Variants in KCNMA1 observed in about 807,000 individuals in gnomAD.
KCNMA1 encodes the protein potassium calcium-activated channel subfamily M alpha 1, also known as Calcium-activated potassium channel subunit alpha-1.
In KCNMA1, 29 loss-of-function variants were observed where a neutral mutation model predicts 140.0. That is an observed-to-expected ratio of 0.21 (90% confidence interval 0.15 to 0.28). KCNMA1 has a LOEUF of 0.28. Ranked by LOEUF, KCNMA1 falls within the 10% of genes least tolerant of loss-of-function variation. The pLI is 1.00. For synonymous variants in KCNMA1, 612 were observed against 611.9 expected, an observed-to-expected ratio of 1.00 and a Z score of 0.00; for missense variants, 880 against 1,602.2, an observed-to-expected ratio of 0.55 and a Z score of 7.70.
intron 5 of KCNMA1, among the ~76,000 whole-genome samples, chr10:77,158,739 T>C (rs375483306): frequency 6.6e-6 from 1 of 152,132 alleles, no homozygotes; most frequent in African/African-American, 2.4e-5. Flanking sequence ...GTTTAAGGCA[T>C]GAGTCAAGGT....
rs547584022 is a variant in KCNMA1 at position 77,247,375 on chromosome 10, G to GT, written c.602+3819dup. 1.1e-4 allele frequency among the ~76,000 whole-genome samples: 16 copies of GT among 151,920 alleles called. No homozygotes were observed. The East Asian group carries it at 1.4e-3, about 13-fold the overall frequency. ...CTCATGCTGACACTGGTGGGTCTTTGTTTTTTTTCCTTATCTGTTAGATAA... is the reference window on the plus strand; with the variant it reads ...CTCATGCTGACACTGGTGGGTCTTTGTTTTTTTTTCCTTATCTGTTAGATAA... On this transcript the variant is annotated intron_variant, in intron 3 of 27. Transcript: ENST00000286628.
chr10:76,928,215 G>A (rs574809022), intron 23 of KCNMA1, among the ~76,000 whole-genome samples: 13 of 151,280 alleles, frequency 8.6e-5, no homozygotes, highest in Admixed American at 5.3e-4. Flanking sequence ...GAAATGCTAC[G>A]GGACTTAAAT....
At chr10:77,485,613 G>A (rs143775042) in intron 1 of KCNMA1, among the ~76,000 whole-genome samples, 1 of 152,212 alleles carries the variant, frequency 6.6e-6, no homozygotes, top group Non-Finnish European at 1.5e-5. Context: ...TTCTCCAAAA[G>A]AGAATAAGAA....
chr10:77,570,747 A>AG (rs931475365), intron 1 of KCNMA1, among the ~76,000 whole-genome samples: 169 of 149,892 alleles, frequency 1.1e-3, no homozygotes, highest in African/African-American at 4.0e-3. Flanking sequence ...TAATAATAAA[A>AG]AAAAGAAATT....
chr10:77,135,470 A>G (rs1480270513), intron 5 of KCNMA1, among the ~76,000 whole-genome samples: 1 of 152,222 alleles, frequency 6.6e-6, no homozygotes, highest in African/African-American at 2.4e-5. Flanking sequence ...GAACTACCAT[A>G]CAATCAAGCA....
chr10:77,025,266 A>G lies in KCNMA1; in HGVS notation c.1928+2557T>C, dbSNP rs1430551580. Among the ~76,000 whole-genome samples the G allele has an allele frequency of 5.9e-3, 770 of 130,968 alleles. 36 individuals carry two copies. Among genetic ancestry groups the G allele is most frequent in the African/African-American group, 0.019 (680 of 36,028 alleles). 85.9% of individuals were successfully genotyped at this position (130,968 alleles called of 152,430 possible). ...TGTATATATATATATATATATATAT[A>G]TATATATATATATATACACACACAC... On this transcript the variant is annotated intron_variant, in intron 16 of 27. Coordinates refer to ENST00000286628, the MANE Select transcript of KCNMA1 (RefSeq NM_001161352.2).
chr10:77,219,906 A>G (rs578068805), intron 3 of KCNMA1, among the ~76,000 whole-genome samples: 1 of 152,382 alleles, frequency 6.6e-6, no homozygotes, highest in South Asian at 2.1e-4. Flanking sequence ...TGCTCTGCCC[A>G]GTGGCATTGT....
At chr10:77,441,932 T>C (rs2097411335) in intron 1 of KCNMA1, among the ~76,000 whole-genome samples, 1 of 152,096 alleles carries the variant, frequency 6.6e-6, no homozygotes, top group Admixed American at 6.5e-5. Flanking sequence ...CTCCAGGCCA[T>C]TGTCTTCCAC....
Position 77,129,706 on chromosome 10 carries a change from A to T in KCNMA1, c.809-8658T>A, listed in dbSNP as rs528782040. ...AGAAAACCAATAAATATGAAAAAAA[A>T]TTTTAAAAATCTGTAGAATTTTATG... On this transcript the variant is annotated intron_variant, in intron 5 of 27. Transcript: ENST00000286628. Among the ~76,000 whole-genome samples, 15 of 152,208 alleles carry T rather than the reference A, an allele frequency of 9.9e-5. No homozygotes were observed. In the East Asian group the frequency reaches 1.3e-3, roughly 14 times the overall value.
chr10:77,300,102 T>C (rs1223835561), intron 2 of KCNMA1, among the ~76,000 whole-genome samples: 1 of 152,198 alleles, frequency 6.6e-6, no homozygotes, highest in Non-Finnish European at 1.5e-5. Flanking sequence ...CCAGATTTCA[T>C]TCCCATTCAC....
intron 2 of KCNMA1, among the ~76,000 whole-genome samples, chr10:77,349,149 TAA>T (rs1449604042): frequency 6.6e-6 from 1 of 152,172 alleles, no homozygotes; most frequent in East Asian, 1.9e-4. Flanking sequence ...GTAATTATAT[TAA>T]GAGATGAAGC....
intron 20 of KCNMA1, among the ~76,000 whole-genome samples, chr10:76,956,897 C>A (rs570073760): frequency 6.6e-6 from 1 of 151,808 alleles, no homozygotes; most frequent in African/African-American, 2.4e-5. Flanking sequence ...CCAAGGTGGG[C>A]GGATCATGAG....
Position 77,229,745 on chromosome 10 carries a change from C to CTATA in KCNMA1, c.602+21446_602+21449dup, listed in dbSNP as rs146102707. Among the ~76,000 whole-genome samples, 437 of 148,338 alleles carry CTATA rather than the reference C, an allele frequency of 2.9e-3. 3 individuals are homozygous for CTATA. The highest frequency in any genetic ancestry group is 0.01 in the African/African-American group (409 of 40,494). On this transcript the variant is annotated intron_variant, in intron 3 of 27. Coordinates refer to ENST00000286628, the MANE Select transcript of KCNMA1 (RefSeq NM_001161352.2). ...CTGAGACGAACCAAGGGAGTAGTGG[C>CTATA]TATATATATATATATATGTACACAC...
At chr10:77,315,124 T>C (rs2080478229) in intron 2 of KCNMA1, among the ~76,000 whole-genome samples, 1 of 152,212 alleles carries the variant, frequency 6.6e-6, no homozygotes. Flanking sequence ...AGATAGTACC[T>C]AATAATCTGA....
At chr10:77,480,948 A>G (rs2098383180) in intron 1 of KCNMA1, among the ~76,000 whole-genome samples, 1 of 132,134 alleles carries the variant, frequency 7.6e-6, no homozygotes, top group African/African-American at 3.2e-5. Flanking sequence ...TGTCTCTACT[A>G]AAAATACAAA....
At chr10:77,459,189 G>T (rs1281243304) in intron 1 of KCNMA1, among the ~76,000 whole-genome samples, 1 of 152,186 alleles carries the variant, frequency 6.6e-6, no homozygotes. Flanking sequence ...CATGGGCAGG[G>T]CATTCACAGC....
chr10:76,961,042 C>T (rs1026900393), intron 20 of KCNMA1, among the ~76,000 whole-genome samples: 1 of 151,768 alleles, frequency 6.6e-6, no homozygotes, highest in Non-Finnish European at 1.5e-5. Flanking sequence ...TTTTGACTTT[C>T]AAGACTTATT....
At chr10:77,607,412 C>T (rs2084931853) in intron 1 of KCNMA1, among the ~76,000 whole-genome samples, 1 of 152,158 alleles carries the variant, frequency 6.6e-6, no homozygotes, top group African/African-American at 2.4e-5. Flanking sequence ...TCCACGTCCT[C>T]ATCCCTGGAA....
At chr10:77,180,644 A>T (rs553969676) in intron 5 of KCNMA1, among the ~76,000 whole-genome samples, 1 of 152,156 alleles carries the variant, frequency 6.6e-6, no homozygotes, top group African/African-American at 2.4e-5. Flanking sequence ...CCAACACTGC[A>T]GTATAGGAGG....
Sources: allele counts gnomAD v4.1 joint callset (sites outside exome capture counted in the v4.1 genomes callset), GRCh38; gene constraint gnomAD v4.1.1; transcripts MANE v1.5; gene names NCBI Gene and HGNC (gene_info 2026-07-23, HGNC 2026-07-21).